ROBO2: variants seen among roughly 807,000 people sequenced by gnomAD.
ROBO2 encodes the protein roundabout guidance receptor 2.
A neutral mutation model predicts 160.8 loss-of-function variants in ROBO2; 53 were observed. That is an observed-to-expected ratio of 0.33 (90% confidence interval 0.26 to 0.41). The LOEUF (loss-of-function observed/expected upper bound fraction) is 0.41. ROBO2 is among the 10% of genes least tolerant of loss of function. The pLI, the probability that ROBO2 is intolerant of heterozygous loss-of-function variation, is 1.00. For missense variants in ROBO2, 1,577 were observed against 1,722.4 expected (o/e 0.92, Z 1.49); for synonymous variants, 664 against 611.7 (o/e 1.09, Z -1.26).
chr3:76,804,373 A>T (rs1344941382), intron 2 of ROBO2, among the ~76,000 whole-genome samples: 1 of 152,222 alleles, frequency 6.6e-6, no homozygotes, highest in East Asian at 1.9e-4. Flanking sequence ...AGAATTGAAC[A>T]TGGTACAGCT....
At chr3:76,053,530 C>A (rs1339761500) in intron 2 of ROBO2, among the ~76,000 whole-genome samples, 2 of 151,906 alleles carry the variant, frequency 1.3e-5, no homozygotes, top group African/African-American at 4.8e-5. Context: ...TTGGATACAT[C>A]CTACATGAAA....
At chr3:76,603,351 A>ATGT (rs1433390522) in intron 2 of ROBO2, among the ~76,000 whole-genome samples, 1 of 26,406 alleles carries the variant, frequency 3.8e-5, no homozygotes, top group East Asian at 1.2e-3. Flanking sequence ...AAAAAAAAAA[A>ATGT]ATATATATAT....
At chr3:76,680,292 TTTTGTTTG>T (rs887179510) in intron 2 of ROBO2, among the ~76,000 whole-genome samples, 1 of 151,996 alleles carries the variant, frequency 6.6e-6, no homozygotes, top group Admixed American at 6.6e-5. Flanking sequence ...TTAGAACATT[TTTTGTTTG>T]TTTGTTTGTT....
chr3:77,338,584 G>C (rs1025326169), intron 2 of ROBO2, among the ~76,000 whole-genome samples: 1 of 152,084 alleles, frequency 6.6e-6, no homozygotes, highest in Non-Finnish European at 1.5e-5. Context: ...AAAATGAAAA[G>C]ATTTTTTTAA....
chr3:77,057,051 T>G (rs546190173), intron 1 of ROBO2, among the ~76,000 whole-genome samples: 2 of 152,222 alleles, frequency 1.3e-5, no homozygotes, highest in South Asian at 4.1e-4. Context: ...AGCAAAGACT[T>G]GGAACCAACC....
intron 2 of ROBO2, among the ~76,000 whole-genome samples, chr3:76,818,267 C>G (rs1262713653): frequency 3.3e-5 from 5 of 151,874 alleles, no homozygotes; most frequent in African/African-American, 1.2e-4. Flanking sequence ...TTTTTCATAT[C>G]TTTGTTGGGC....
intron 2 of ROBO2, among the ~76,000 whole-genome samples, chr3:76,272,605 G>C (rs1707504544): frequency 7.8e-6 from 1 of 127,718 alleles, no homozygotes; most frequent in Non-Finnish European, 1.8e-5. Flanking sequence ...GGAAGTTGCA[G>C]TGAGCTGAGA....
In ROBO2 at chr3:76,332,410, AT is replaced by A. The variant is rs530368288; in HGVS notation, c.109+394813del. Reference sequence around the variant, plus strand: ...AAATGTCAATATAATTTCGTCAAAAATTTTTGTTATTTGACTAATGATGCAA... The same window carrying A: ...AAATGTCAATATAATTTCGTCAAAAATTTTGTTATTTGACTAATGATGCAA... On this transcript the variant is annotated intron_variant, in intron 2 of 26. Coordinates refer to the ROBO2 transcript ENST00000487694. Among the ~76,000 whole-genome samples the A allele has an allele frequency of 4.3e-3, 662 of 152,258 alleles. 2 individuals carry two copies. Among genetic ancestry groups the A allele is most frequent in the Non-Finnish European group, 6.4e-3 (438 of 68,012 alleles).
chr3:77,274,966 T>A (rs2059735785), intron 2 of ROBO2, among the ~76,000 whole-genome samples: 1 of 152,130 alleles, frequency 6.6e-6, no homozygotes. Flanking sequence ...AAGTAGAGGA[T>A]AACATTCTTT....
chr3:76,192,282 G>A (rs1014990113), intron 2 of ROBO2, among the ~76,000 whole-genome samples: 1 of 150,680 alleles, frequency 6.6e-6, no homozygotes, highest in Non-Finnish European at 1.5e-5. Context: ...CCTGACCTTC[G>A]ATTGGCTTAC....
intron 2 of ROBO2, among the ~76,000 whole-genome samples, chr3:75,957,144 A>G (rs1948747295): frequency 6.6e-6 from 1 of 151,694 alleles, no homozygotes. Flanking sequence ...CTTAAAATAT[A>G]TCTAATGTTT....
chr3:77,337,648 C>T (rs905377627), intron 2 of ROBO2, among the ~76,000 whole-genome samples: 1 of 152,000 alleles, frequency 6.6e-6, no homozygotes, highest in Non-Finnish European at 1.5e-5. Flanking sequence ...ATATCTTGCT[C>T]AAAAATAAGC....
intron 6 of ROBO2, among the ~76,000 whole-genome samples, chr3:77,526,575 C>A (rs811352): frequency 0.8 from 120,568 of 151,484 alleles, 48,747 homozygotes; most frequent in African/African-American, 0.94. Context: ...AAATTGATAG[C>A]GTGTTATTCA....
At chr3:77,222,026 C>A (rs527561975) in intron 2 of ROBO2, among the ~76,000 whole-genome samples, 1 of 151,468 alleles carries the variant, frequency 6.6e-6, no homozygotes, top group Non-Finnish European at 1.5e-5. Context: ...CTAATTTTTG[C>A]GTTTTTAGTA....
At chr3:76,920,609 G>T (rs1286106591) in intron 2 of ROBO2, among the ~76,000 whole-genome samples, 2 of 152,180 alleles carry the variant, frequency 1.3e-5, no homozygotes, top group East Asian at 1.9e-4. Context: ...ACTTCAATTA[G>T]TATTTAAGTA....
At chr3:77,041,785 A>G (rs1380338608) in intron 1 of ROBO2, among the ~76,000 whole-genome samples, 1 of 152,186 alleles carries the variant, frequency 6.6e-6, no homozygotes, top group East Asian at 1.9e-4. Context: ...AACAACTGGT[A>G]TAAGGGAGTA....
intron 2 of ROBO2, among the ~76,000 whole-genome samples, chr3:76,065,752 T>C (rs62267256): frequency 0.023 from 3,353 of 143,704 alleles, 90 homozygotes; most frequent in African/African-American, 0.064. Context: ...TATATATATA[T>C]ACACACACAC....
chr3:76,856,790 A>C (rs1450862435), intron 2 of ROBO2, among the ~76,000 whole-genome samples: 1 of 152,206 alleles, frequency 6.6e-6, no homozygotes, highest in Non-Finnish European at 1.5e-5. Flanking sequence ...GAAAAAATAC[A>C]GTTCAGCAAA....
rs181736777 is a variant in ROBO2 at position 77,301,414 on chromosome 3, C to G, written c.389-176000C>G. 1.6e-3 allele frequency among the ~76,000 whole-genome samples: 243 copies of G among 152,186 alleles called. 1 individual carries two copies. Among genetic ancestry groups the G allele is most frequent in the African/African-American group, 5.4e-3 (223 of 41,530 alleles). On this transcript the variant is annotated intron_variant, in intron 2 of 25. Coordinates refer to ENST00000461745, the Ensembl canonical transcript of ROBO2. The stretch of plus-strand genomic sequence containing the variant: ...TTTATGAAACAATGTACAGTGGAGG[C>G]TCCTAACTACTTATATGAAGACTCC...
Sources: gnomAD v4.1 joint callset for allele counts (sites outside exome capture counted in the v4.1 genomes callset) on GRCh38, gnomAD v4.1.1 for gene constraint, MANE v1.5 for transcripts, NCBI Gene and HGNC (gene_info 2026-07-23, HGNC 2026-07-21) for gene names.